The following FAM120A variants were observed in gnomAD, a reference collection of about 807,000 sequenced individuals.
FAM120A encodes constitutive coactivator of PPAR-gamma-like protein 1.
A neutral mutation model predicts 109.7 loss-of-function variants in FAM120A; 15 were observed. That is an observed-to-expected ratio of 0.14 (90% CI 0.09 to 0.21). The LOEUF (loss-of-function observed/expected upper bound fraction) is 0.21. FAM120A is among the 10% of genes least tolerant of loss of function. FAM120A has a pLI of 1.00. For synonymous variants in FAM120A, 493 were observed against 572.8 expected, an observed-to-expected ratio of 0.86 and a Z score of 1.99; for missense variants, 899 against 1,439.3, an observed-to-expected ratio of 0.62 and a Z score of 6.07.
At chr9:93,466,962 G>A (rs1490736309) in intron 1 of FAM120A, among the ~76,000 whole-genome samples, 1 of 152,090 alleles carries the variant, frequency 6.6e-6, no homozygotes, top group Non-Finnish European at 1.5e-5. Context: ...TGTTTCCCAG[G>A]TACTCAGGCA....
At chr9:93,458,051 A>G (rs1387759675) in intron 1 of FAM120A, among the ~76,000 whole-genome samples, 1 of 152,098 alleles carries the variant, frequency 6.6e-6, no homozygotes, top group African/African-American at 2.4e-5. Flanking sequence ...CACCATTTCC[A>G]AGGCACAGCC....
At chr9:93,503,754 T>C (rs1337277603) in intron 5 of FAM120A, among the ~76,000 whole-genome samples, 1 of 152,132 alleles carries the variant, frequency 6.6e-6, no homozygotes, top group Admixed American at 6.6e-5. Flanking sequence ...GTTTGGCTCA[T>C]TGGTTGGAAC....
chr9:93,523,550 A>G (rs1228082142), intron 7 of FAM120A, among the ~76,000 whole-genome samples: 1 of 152,210 alleles, frequency 6.6e-6, no homozygotes, highest in Non-Finnish European at 1.5e-5. Context: ...ATTGTGATCT[A>G]TATCATTACG....
intron 1 of FAM120A, among the ~76,000 whole-genome samples, chr9:93,460,907 GCTT>G (rs1416670589): frequency 6.6e-6 from 1 of 152,138 alleles, no homozygotes; most frequent in Non-Finnish European, 1.5e-5. Context: ...AACCTTTTAT[GCTT>G]CTTAACTTAG....
At chr9:93,547,195 G>A (rs1588903860) in intron 11 of FAM120A, among the ~76,000 whole-genome samples, 1 of 152,156 alleles carries the variant, frequency 6.6e-6, no homozygotes, top group African/African-American at 2.4e-5. Flanking sequence ...AAATAGACAA[G>A]GCTCTTGTCC....
intron 12 of FAM120A, among the ~76,000 whole-genome samples, chr9:93,551,684 A>G (rs983076214): frequency 6.6e-6 from 1 of 152,186 alleles, no homozygotes; most frequent in Non-Finnish European, 1.5e-5. Flanking sequence ...TTGCTTAATA[A>G]ATTTCTAGTT....
At chr9:93,505,501 A>G (rs887473334) in intron 5 of FAM120A, among the ~76,000 whole-genome samples, 2 of 152,186 alleles carry the variant, frequency 1.3e-5, no homozygotes, top group Non-Finnish European at 2.9e-5. Flanking sequence ...TGTCTTCATG[A>G]TGTGCTTTGA....
At chr9:93,509,487 C>T (rs1325029198) in intron 5 of FAM120A, among the ~76,000 whole-genome samples, 1 of 152,224 alleles carries the variant, frequency 6.6e-6, no homozygotes, top group Non-Finnish European at 1.5e-5. Context: ...AGCCATGTCT[C>T]TGCTGTCGTT....
At chr9:93,558,953 T>C (rs1458720164) in intron 15 of FAM120A, among the ~76,000 whole-genome samples, 1 of 152,178 alleles carries the variant, frequency 6.6e-6, no homozygotes, top group Non-Finnish European at 1.5e-5. Context: ...CCACTGAGTG[T>C]CCACCTAGAA....
Position 93,558,697 on chromosome 9 carries a change from A to C in FAM120A, c.2785A>C (p.Arg929=). 6.2e-7 allele frequency: 1 copy of C among 1,614,086 alleles called. No individual in the cohort carries two copies. The highest frequency in any genetic ancestry group is 8.5e-7 in the Non-Finnish European group (1 of 1,180,006). ...CGAFSGSDSS[R]TSKSQGGVQP... is the part of the protein sequence containing the mutation. ...AGCCTTCTCAGGCAGTGACAGCAGC[A>C]GGACTAGCAAGTCCCAGGGCGGTAA... The change falls in exon 15 of 18, where the codon AGG becomes CGG. Residue 929 remains arginine (R), a synonymous_variant. Transcript: ENST00000277165.
At chr9:93,544,196 T>C (rs562369134) in intron 11 of FAM120A, among the ~76,000 whole-genome samples, 1 of 152,356 alleles carries the variant, frequency 6.6e-6, no homozygotes, top group Non-Finnish European at 1.5e-5. Context: ...GGGAGCTGTC[T>C]TAGGTTGGCC....
chr9:93,523,347 A>G lies in FAM120A; in HGVS notation c.1419-3808A>G, dbSNP rs1192816411. On this transcript the variant is annotated intron_variant, in intron 7 of 17. Transcript: ENST00000277165. ...AGAGAATTCCATCGTGCTCTGCTCC[A>G]GGATCCTGAGGCATGGGTAGGTAGG... The G allele has an allele frequency of 5.4e-6, 7 of 1,288,482 alleles. No individual in the cohort carries two copies. In the East Asian group the frequency reaches 3.3e-4, roughly 61 times the overall value. The allele number at this position is 1,288,482 out of a possible 1,614,324, so 79.8% of individuals were successfully genotyped here.
At chr9:93,491,593 G>C (rs1008422278) in intron 3 of FAM120A, among the ~76,000 whole-genome samples, 3 of 152,070 alleles carry the variant, frequency 2.0e-5, no homozygotes, top group Non-Finnish European at 4.4e-5. Flanking sequence ...GAAGTAAAGG[G>C]GTAGGTTGAA....
intron 3 of FAM120A, among the ~76,000 whole-genome samples, chr9:93,495,175 C>T (rs1859518452): frequency 6.6e-6 from 1 of 152,208 alleles, no homozygotes; most frequent in South Asian, 2.1e-4. Flanking sequence ...CTGTGGGCCA[C>T]AACTGACCAC....
At chr9:93,514,256 A>G (rs368654656) in intron 5 of FAM120A, among the ~76,000 whole-genome samples, 1 of 152,214 alleles carries the variant, frequency 6.6e-6, no homozygotes, top group Non-Finnish European at 1.5e-5. Context: ...AACTGCCCCT[A>G]TGATCCAATT....
chr9:93,541,625 A>T (rs1308455749), intron 10 of FAM120A, among the ~76,000 whole-genome samples: 1 of 152,232 alleles, frequency 6.6e-6, no homozygotes, highest in Non-Finnish European at 1.5e-5. Flanking sequence ...TAACATCTAA[A>T]CACTAAGATA....
In FAM120A at chr9:93,545,780, C is replaced by CTTTTTTT. The variant is rs774150537; in HGVS notation, c.2159+2329_2159+2335dup. ...GAAGACTGGCTGATGGGAAAGACTC[C>CTTTTTTT]TTTTTTTTTTTTTTTTTTTTTTTTT... On this transcript the variant is annotated intron_variant, in intron 11 of 17. Transcript: ENST00000277165. Among the ~76,000 whole-genome samples the CTTTTTTT allele has an allele frequency of 6.1e-3, 401 of 65,494 alleles. 32 individuals carry two copies. Among genetic ancestry groups the CTTTTTTT allele is most frequent in the Middle Eastern group, 0.027 (3 of 110 alleles). 43.0% of individuals were successfully genotyped at this position (65,494 alleles called of 152,430 possible).
At chr9:93,560,895 C>T (rs1378435462) in intron 15 of FAM120A, among the ~76,000 whole-genome samples, 1 of 152,174 alleles carries the variant, frequency 6.6e-6, no homozygotes, top group Non-Finnish European at 1.5e-5. Flanking sequence ...GCAGTTGTAA[C>T]CTAATTCAGT....
intron 13 of FAM120A, among the ~76,000 whole-genome samples, chr9:93,556,825 G>C (rs76262634): frequency 6.6e-6 from 1 of 152,112 alleles, no homozygotes; most frequent in Non-Finnish European, 1.5e-5. Context: ...CACCTTGAAC[G>C]CCAAATTAGT....
Sources: gnomAD v4.1 joint callset for allele counts (sites outside exome capture counted in the v4.1 genomes callset) on GRCh38, gnomAD v4.1.1 for gene constraint, MANE v1.5 for transcripts, NCBI Gene and HGNC (gene_info 2026-07-23, HGNC 2026-07-21) for gene names.